XKR9: variants seen among roughly 807,000 people sequenced by gnomAD.
The protein encoded by XKR9 is XK-related protein 9.
In XKR9, 32 loss-of-function variants were observed where a neutral mutation model predicts 32.0. The observed-to-expected ratio is 1.00, with a 90% CI of 0.76 to 1.34. XKR9 has a LOEUF of 1.34. XKR9 is among the 40% of genes most tolerant of loss of function. The pLI is 0.00. For missense variants in XKR9, 546 were observed against 429.7 expected (o/e 1.27, Z -2.39); for synonymous variants, 168 against 143.4 (o/e 1.17, Z -1.22).
the XKR9 span, among the ~76,000 whole-genome samples, chr8:70,935,204 T>TACAC: frequency 2.0e-3 from 25 of 12,212 alleles, no homozygotes; most frequent in Admixed American, 4.6e-3. Flanking sequence ...TACATATACA[T>TACAC]ATATACACAC....
the XKR9 span, among the ~76,000 whole-genome samples, chr8:70,926,138 G>C: frequency 6.6e-6 from 1 of 152,056 alleles, no homozygotes; most frequent in Non-Finnish European, 1.5e-5. Flanking sequence ...GCAATGGCGC[G>C]ATCTCGGCTC....
chr8:70,835,220 T>C, the XKR9 span, among the ~76,000 whole-genome samples: 542 of 152,226 alleles, frequency 3.6e-3, 2 homozygotes, highest in Non-Finnish European at 6.5e-3. Context: ...ATGACACTTA[T>C]ATAGGAAATT....
chr8:70,761,662 T>G (rs1443720107), intron 2 of XKR9, among the ~76,000 whole-genome samples: 1 of 152,172 alleles, frequency 6.6e-6, no homozygotes, highest in African/African-American at 2.4e-5. Flanking sequence ...TTAACTCTGT[T>G]GATTTTTTTT....
At chr8:70,980,000 C>A in the XKR9 span, among the ~76,000 whole-genome samples, 2 of 152,228 alleles carry the variant, frequency 1.3e-5, no homozygotes, top group Non-Finnish European at 2.9e-5. Context: ...CTTGCTGCCT[C>A]GCAGTTCGAT....
chr8:70,918,761 T>C, the XKR9 span, among the ~76,000 whole-genome samples: 513 of 135,196 alleles, frequency 3.8e-3, 6 homozygotes, highest in Admixed American at 7.4e-3. Context: ...AAATAGATCA[T>C]GGGATCCTTT....
At chr8:70,740,203 T>C (rs1327273889), downstream of XKR9, among the ~76,000 whole-genome samples, 1 of 152,194 alleles carries the variant, frequency 6.6e-6, no homozygotes, top group Non-Finnish European at 1.5e-5. Context: ...CCCTTCTCGC[T>C]TCATTTCATT....
the XKR9 span, among the ~76,000 whole-genome samples, chr8:70,891,467 A>G: frequency 6.6e-6 from 1 of 151,858 alleles, no homozygotes; most frequent in Admixed American, 6.6e-5. Context: ...GCTGTACCAC[A>G]TAGGTTTTGG....
chr8:70,739,978 G>A (rs1806941432), downstream of XKR9, among the ~76,000 whole-genome samples: 1 of 152,118 alleles, frequency 6.6e-6, no homozygotes, highest in Non-Finnish European at 1.5e-5. Context: ...GTATCTTTGT[G>A]GCGTTCTCTG....
rs1486559827 is a variant in XKR9, at chr8:70,672,209, GA to G, written c.-360-2603del. On this transcript the variant is annotated intron_variant, in intron 1 of 4. Transcript: ENST00000408926. ...ACCAATGACTTTCTTCACAGAATTG[GA>G]AAAAACTACTTTAAAGTTCATATGG... 2.8e-4 allele frequency among the ~76,000 whole-genome samples: 20 copies of G among 70,612 alleles called. 3 individuals are homozygous for G. Among genetic ancestry groups the G allele is most frequent in the African/African-American group, 8.5e-4 (20 of 23,646 alleles). The allele number at this position is 70,612 out of a possible 152,430, so 46.3% of individuals were successfully genotyped here.
chr8:70,741,337 G>C (rs761804964), intron 2 of XKR9, among the ~76,000 whole-genome samples: 1 of 152,216 alleles, frequency 6.6e-6, no homozygotes, highest in Non-Finnish European at 1.5e-5. Flanking sequence ...GCCATGTTAT[G>C]ATAGAGCAAA....
At chr8:70,725,137 A>G (rs1470988622) in intron 4 of XKR9, among the ~76,000 whole-genome samples, 2 of 152,268 alleles carry the variant, frequency 1.3e-5, no homozygotes, top group South Asian at 2.1e-4. Flanking sequence ...TGAGAATAGC[A>G]TGGGGGAAAC....
chr8:70,890,441 G>A, the XKR9 span, among the ~76,000 whole-genome samples: 3 of 151,802 alleles, frequency 2.0e-5, no homozygotes, highest in African/African-American at 7.3e-5. Context: ...GTTGGCTGTG[G>A]GTTTGTTATA....
intron 2 of XKR9, chr8:70,789,209 A>T (rs1008965657): frequency 3.9e-5 from 6 of 152,078 alleles, no homozygotes; most frequent in African/African-American, 1.4e-4. Context: ...TAAGTATAAG[A>T]AAAAGAAAAA....
rs142096446 is a variant in XKR9, at chr8:70,771,254, C to T, written n.353-18085C>T. Among the ~76,000 whole-genome samples, 1,263 of 152,276 alleles carry T rather than the reference C, an allele frequency of 8.3e-3. 9 individuals are homozygous for T. Among genetic ancestry groups the T allele is most frequent in the Non-Finnish European group, 0.011 (752 of 68,010 alleles). On this transcript the variant is annotated intron_variant and non_coding_transcript_variant, in intron 2 of 3. Coordinates refer to the XKR9 transcript ENST00000520273. ...TCTGTGAGCTACACTCACTGCTTAA[C>T]CAGTCCCAATGAGATGAACCTGGTA...
intron 2 of XKR9, among the ~76,000 whole-genome samples, chr8:70,752,483 G>T (rs76902247): frequency 6.6e-6 from 1 of 152,116 alleles, no homozygotes; most frequent in African/African-American, 2.4e-5. Context: ...ACGAGAGGCA[G>T]CCTCACTTTA....
intron 2 of XKR9, among the ~76,000 whole-genome samples, chr8:70,679,095 T>G (rs1410684723): frequency 1.3e-5 from 2 of 152,174 alleles, no homozygotes; most frequent in African/African-American, 4.8e-5. Flanking sequence ...TGCCTTCTTG[T>G]GTCCTCACAT....
chr8:70,722,951 G>A (rs1806332222), intron 4 of XKR9, among the ~76,000 whole-genome samples: 1 of 151,852 alleles, frequency 6.6e-6, no homozygotes, highest in Non-Finnish European at 1.5e-5. Context: ...CGTAGGTTTG[G>A]TCTTTTCACA....
the XKR9 span, among the ~76,000 whole-genome samples, chr8:70,893,155 C>T: frequency 6.6e-6 from 1 of 152,056 alleles, no homozygotes; most frequent in African/African-American, 2.4e-5. Context: ...CTTCATTCAT[C>T]AAATTATTCA....
downstream of XKR9, among the ~76,000 whole-genome samples, chr8:70,794,823 TTGTGTGTG>T (rs56167343): frequency 1.4e-5 from 2 of 147,692 alleles, no homozygotes; most frequent in Admixed American, 6.8e-5. Context: ...TAGTCTTCTT[TTGTGTGTG>T]TGTGTGTGTG....
Sources: gnomAD v4.1 joint callset for allele counts (sites outside exome capture counted in the v4.1 genomes callset) on GRCh38, gnomAD v4.1.1 for gene constraint, MANE v1.5 for transcripts, NCBI Gene and HGNC (gene_info 2026-07-23, HGNC 2026-07-21) for gene names.